Variants in COL1A1 observed in about 807,000 individuals in gnomAD.
The protein encoded by COL1A1 is collagen alpha-1(I) chain.
In COL1A1, 21 loss-of-function variants were observed where a neutral mutation model predicts 195.7. That is an observed-to-expected ratio of 0.11 (90% confidence interval 0.08 to 0.15). COL1A1 has a LOEUF of 0.15. Among genes scored for constraint, COL1A1 ranks in the 10% least tolerant of loss-of-function variants. The pLI, the probability that COL1A1 is intolerant of heterozygous loss-of-function variation, is 1.00. For synonymous variants in COL1A1, 749 were observed against 747.3 expected (o/e 1.00, Z -0.04); for missense variants, 1,365 against 2,051.0 (o/e 0.67, Z 6.46).
rs1321880636 is a variant in COL1A1, at chr17:50,186,296, T to C, written c.4005+21A>G. 11 of 1,613,762 alleles carry C rather than the reference T, an allele frequency of 6.8e-6. No homozygotes were observed. The highest frequency in any genetic ancestry group is 8.5e-6 in the Non-Finnish European group (10 of 1,180,016). ...GGCTAGCCCATCTCCTAACACTGGC[T>C]CTGAGGTCCAGCTCACGCACCTGGA... On this transcript the variant is annotated intron_variant, in intron 49 of 50. Transcript: ENST00000225964. This position sits in a 1 kb window ranked among gnomAD's most constrained non-coding sequence, Gnocchi z 5.3.
Position 50,189,594 on chromosome 17 carries a change from G to T in COL1A1, c.2668-56C>A. 6.2e-7 allele frequency: 1 copy of T among 1,612,194 alleles called. No individual in the cohort carries two copies. Among genetic ancestry groups the T allele is most frequent in the Non-Finnish European group, 8.5e-7 (1 of 1,178,952 alleles). On this transcript the variant is annotated intron_variant, in intron 38 of 50. Coordinates refer to ENST00000225964, the MANE Select transcript of COL1A1 (RefSeq NM_000088.4). The surrounding 1 kb of genome is among the most constrained non-coding windows in gnomAD (Gnocchi z 5.5). ...CCAGGGGGCTCTGGTGCATCATTGGGTCCTCAGTCAGCCCCACCATCCTTC... is the reference window on the plus strand; with the variant it reads ...CCAGGGGGCTCTGGTGCATCATTGGTTCCTCAGTCAGCCCCACCATCCTTC...
At position 50,194,060 on chromosome 17, in the gene COL1A1, A is replaced by G; in HGVS notation, c.1669-19T>C. ...CGGGACCCTAAGGATGGGAGGCACG[A>G]AAGCAGCAGTGAGGACAGCAGGGAG... On this transcript the variant is annotated intron_variant, in intron 24 of 50. Coordinates refer to ENST00000225964, the MANE Select transcript of COL1A1 (RefSeq NM_000088.4). The surrounding 1 kb of genome is among the most constrained non-coding windows in gnomAD (Gnocchi z 6.8). The G allele has an allele frequency of 6.2e-7, 1 of 1,613,170 alleles. No individual in the cohort carries two copies. Among genetic ancestry groups the G allele is most frequent in the South Asian group, 1.1e-5 (1 of 91,038 alleles).
chr17:50,201,590 G>A lies in COL1A1; in HGVS notation c.-77C>T, dbSNP rs534473543. ...CCGCTCATGCGTGGCCTCACACTCCGCGTGCCTCCTGCTCCGACCCCGAGG... is the reference window on the plus strand; with the variant it reads ...CCGCTCATGCGTGGCCTCACACTCCACGTGCCTCCTGCTCCGACCCCGAGG... On this transcript the variant is annotated 5_prime_UTR_variant, in exon 1 of 51. Coordinates refer to ENST00000225964, the MANE Select transcript of COL1A1 (RefSeq NM_000088.4). 2.2e-6 allele frequency: 3 copies of A among 1,334,072 alleles called. No homozygotes were observed. In the African/African-American group the frequency reaches 4.3e-5, roughly 19 times the overall value. The allele number at this position is 1,334,072 out of a possible 1,614,324, so 82.6% of individuals were successfully genotyped here.
rs555687273 is a variant in COL1A1, at chr17:50,192,290, T to C, written c.1983+185A>G. On this transcript the variant is annotated intron_variant, in intron 29 of 50. Coordinates refer to ENST00000225964, the MANE Select transcript of COL1A1 (RefSeq NM_000088.4). ...ATATTCCAGCAGCTCTTAAAAGAAGTCACCCAGACTAGCAATCATGCAGCC... is the reference window on the plus strand; with the variant it reads ...ATATTCCAGCAGCTCTTAAAAGAAGCCACCCAGACTAGCAATCATGCAGCC... The C allele has an allele frequency of 9.1e-5, 69 of 760,088 alleles. No individual in the cohort carries two copies. The South Asian group carries it at 1.1e-3, about 12-fold the overall frequency. The allele number at this position is 760,088 out of a possible 1,614,324, so 47.1% of individuals were successfully genotyped here.
Position 50,194,848 on chromosome 17 carries a change from G to C in COL1A1, c.1354-20C>G. 1 of 1,570,276 alleles carries C rather than the reference G, an allele frequency of 6.4e-7. No homozygotes were observed. The highest frequency in any genetic ancestry group is 1.4e-5 in the African/African-American group (1 of 73,904). ...AGGGCCCTGGAGAGGGCCGAGAGGA[G>C]GAGGCGGCCTGTGGTGAGGGGCCAT... On this transcript the variant is annotated intron_variant, in intron 20 of 50. Coordinates refer to ENST00000225964, the MANE Select transcript of COL1A1 (RefSeq NM_000088.4). The surrounding 1 kb of genome is among the most constrained non-coding windows in gnomAD (Gnocchi z 6.8).
At position 50,187,844 on chromosome 17, in the gene COL1A1, A is replaced by G. The variant is rs773668904; in HGVS notation, c.3369+32T>C. 6.5e-6 allele frequency: 10 copies of G among 1,541,072 alleles called. No homozygotes were observed. The East Asian group carries it at 2.0e-4, about 31-fold the overall frequency. On this transcript the variant is annotated intron_variant, in intron 45 of 50. Coordinates refer to ENST00000225964, the MANE Select transcript of COL1A1 (RefSeq NM_000088.4). ...TCCCCCTCCTATCCCACAGCACAGC[A>G]TGGGGACTGGGGAGGGGCTGAGCAT...
rs754753032 is a variant in COL1A1, at chr17:50,186,405, C to G, written c.3917G>C (p.Ser1306Thr). 1.2e-6 allele frequency: 2 copies of G among 1,614,202 alleles called. No homozygotes were observed. Among genetic ancestry groups the G allele is most frequent in the Non-Finnish European group, 1.7e-6 (2 of 1,180,036 alleles). Residue 1306 changes from serine (S) to threonine (T), a missense_variant, in exon 49 of 51, where the codon AGT (serine) becomes ACT (threonine). Physicochemically the swap from Ser to Thr is moderately conservative, Grantham distance 58. Coordinates refer to ENST00000225964, the MANE Select transcript of COL1A1 (RefSeq NM_000088.4). This position sits in a 1 kb window ranked among gnomAD's most constrained non-coding sequence, Gnocchi z 5.3. ...GATGTACCAGTTCTTCTGGGCCACA[C>G]TGGGCTGAGTGGGGTACACGCAGGT... ...GETCVYPTQP[S>T]VAQKNWYISK... is the part of the protein sequence containing the mutation.
At position 50,190,739 on chromosome 17, in the gene COL1A1, G is replaced by A. The variant is rs1907001774; in HGVS notation, c.2343+78C>T. ...GTTTGGCAGGACCTGCTCTCCCAAC[G>A]CAACCCCACGGAACCGTGCCCAGGC... On this transcript the variant is annotated intron_variant, in intron 33 of 50. Coordinates refer to ENST00000225964, the MANE Select transcript of COL1A1 (RefSeq NM_000088.4). This position sits in a 1 kb window ranked among gnomAD's most constrained non-coding sequence, Gnocchi z 4.7. The A allele has an allele frequency of 4.0e-6, 6 of 1,501,552 alleles. No homozygotes were observed. The African/African-American group carries it at 6.9e-5, about 17-fold the overall frequency. The allele number at this position is 1,501,552 out of a possible 1,614,324, so 93.0% of individuals were successfully genotyped here. A position where few individuals can be genotyped will look rare whatever the true frequency, so the allele number is the denominator to read the frequency against.
At chr17:50,200,188 C>T (rs1176081789) in intron 1 of COL1A1, 1 of 576,322 alleles carries the variant, frequency 1.7e-6, no homozygotes, top group African/African-American at 1.9e-5. Context: ...AAGCTTTAGT[C>T]CGCGGTGGCT....
rs1261711869 is a variant in COL1A1 at position 50,190,789 on chromosome 17, G to A, written c.2343+28C>T. On this transcript the variant is annotated intron_variant, in intron 33 of 50. Coordinates refer to ENST00000225964, the MANE Select transcript of COL1A1 (RefSeq NM_000088.4). The surrounding 1 kb of genome is among the most constrained non-coding windows in gnomAD (Gnocchi z 4.7). Reference sequence around the variant, plus strand: ...CCTGCTGAGGAGGCTATGTGTTAGGGCAGAAGGTGGGGAGGCGGCCACCTC... The same window carrying A: ...CCTGCTGAGGAGGCTATGTGTTAGGACAGAAGGTGGGGAGGCGGCCACCTC... 4 of 1,584,786 alleles carry A rather than the reference G, an allele frequency of 2.5e-6. No homozygotes were observed. In the Admixed American group the frequency reaches 6.7e-5, roughly 26 times the overall value.
Position 50,189,858 on chromosome 17 carries a change from CA to C in COL1A1, c.2613del (p.Gly872ValfsTer236), listed in dbSNP as rs72653144. ...TCAACAGAGAGGCGGGTGATACTCA[CA>C]GGGGGACCAGCGCTGCCGCGAGCAC... ...AKGARGSAGP[P>X]GATGFPGAAG... On this transcript the variant is annotated frameshift_variant and splice_region_variant, in exon 37 of 51. Coordinates refer to ENST00000225964, the MANE Select transcript of COL1A1 (RefSeq NM_000088.4). LOFTEE classifies it high-confidence loss of function. The surrounding 1 kb of genome is among the most constrained non-coding windows in gnomAD (Gnocchi z 5.5). 6.2e-7 allele frequency: 1 copy of C among 1,605,980 alleles called. No homozygotes were observed. Among genetic ancestry groups the C allele is most frequent in the Non-Finnish European group, 8.5e-7 (1 of 1,175,970 alleles).
chr17:50,199,250 AGGTCCGGGGGGTCCGGGG>A lies in COL1A1; in HGVS notation c.429_446del (p.Pro149_Gly154del). 1 of 1,471,668 alleles carries A rather than the reference AGGTCCGGGGGGTCCGGGG, an allele frequency of 6.8e-7. No individual in the cohort carries two copies. The highest frequency in any genetic ancestry group is 9.0e-7 in the Non-Finnish European group (1 of 1,105,956). 91.2% of individuals were successfully genotyped at this position (1,471,668 alleles called of 1,614,324 possible). ...CTCCTCCGAGGCCAGGGGGTCCGGGAGGTCCGGGGGGTCCGGGGGGTCCGGGAAGTCCAGGCTGTCCAG... is the reference window on the plus strand; with the variant it reads ...CTCCTCCGAGGCCAGGGGGTCCGGGAGGTCCGGGAAGTCCAGGCTGTCCAG... On this transcript the variant is annotated inframe_deletion, in exon 5 of 51. Coordinates refer to ENST00000225964, the MANE Select transcript of COL1A1 (RefSeq NM_000088.4).
At chr17:50,196,697 A>C (rs769687470) in intron 11 of COL1A1, 27 bp from the exon 12 acceptor site, 2 of 1,613,908 alleles carry the variant, frequency 1.2e-6, no homozygotes, top group South Asian at 2.2e-5. Context: ...GTAGAAGGTA[A>C]GAACCTGTGG....
chr17:50,192,413 G>C, intron 29 of COL1A1, 62 bp downstream of exon 29: 1 of 1,521,256 alleles, frequency 6.6e-7, no homozygotes. Context: ...AGCTAGGAGC[G>C]GGGGCCTGTC....
At position 50,186,285 on chromosome 17, in the gene COL1A1, C is replaced by T. The variant is rs761428107; in HGVS notation, c.4005+32G>A. On this transcript the variant is annotated intron_variant, in intron 49 of 50. Transcript: ENST00000225964. This position sits in a 1 kb window ranked among gnomAD's most constrained non-coding sequence, Gnocchi z 5.3. ...TCTGAGCACTGGGCTAGCCCATCTC[C>T]TAACACTGGCTCTGAGGTCCAGCTC... 2 of 1,613,446 alleles carry T rather than the reference C, an allele frequency of 1.2e-6. No homozygotes were observed. The highest frequency in any genetic ancestry group is 1.7e-6 in the Non-Finnish European group (2 of 1,179,950).
rs752483667 is a variant in COL1A1 at position 50,195,034 on chromosome 17, C to T, written c.1353+13G>A. 58 of 1,612,588 alleles carry T rather than the reference C, an allele frequency of 3.6e-5. No homozygotes were observed. Among genetic ancestry groups the T allele is most frequent in the Admixed American group, 8.3e-5 (5 of 59,986 alleles). On this transcript the variant is annotated intron_variant, in intron 20 of 50. Transcript: ENST00000225964. The surrounding 1 kb of genome is among the most constrained non-coding windows in gnomAD (Gnocchi z 4.3). Reference sequence around the variant, plus strand: ...GTGGGCTGGGCTGCAAGAAGGATGGCGGGGAGACTTACAGGCTCTCCCTTA... The same window carrying T: ...GTGGGCTGGGCTGCAAGAAGGATGGTGGGGAGACTTACAGGCTCTCCCTTA...
In COL1A1 at chr17:50,193,990, G is replaced by C. The variant is rs72648365; in HGVS notation, c.1720C>G (p.Arg574Gly). 6.2e-7 allele frequency: 1 copy of C among 1,614,152 alleles called. No homozygotes were observed. Residue 574 changes from arginine to glycine, a missense_variant, in exon 25 of 51, where the codon CGT becomes GGT. Arg to Gly is a moderately radical substitution (Grantham distance 125). Transcript: ENST00000225964. ...AATCCCATCACACCAGCCTGACCAC[G>C]GGCACCAGGTGGGCCTGGGGGTCCG... Reference protein sequence around the residue: ...RPGPPGPPGARGQAGVMGFPG... With the variant: ...RPGPPGPPGAGGQAGVMGFPG...
rs1287142514 is a variant in COL1A1 at position 50,198,842 on chromosome 17, G to T, written c.472-338C>A. 4 of 425,910 alleles carry T rather than the reference G, an allele frequency of 9.4e-6. No individual in the cohort carries two copies. The East Asian group carries it at 1.5e-4, about 15-fold the overall frequency. The allele number at this position is 425,910 out of a possible 1,614,324, so 26.4% of individuals were successfully genotyped here. A position where few individuals can be genotyped will look rare whatever the true frequency, so the allele number is the denominator to read the frequency against. On this transcript the variant is annotated intron_variant, in intron 5 of 50. Coordinates refer to ENST00000225964, the MANE Select transcript of COL1A1 (RefSeq NM_000088.4). ...GGACTGGATCCCAGATTGGGGTGGT[G>T]GGGGGTGGAATCTATAAAGGACATT...
rs573978018 is a variant in COL1A1, at chr17:50,197,831, G to A, written c.643-46C>T. On this transcript the variant is annotated intron_variant, in intron 8 of 50. Transcript: ENST00000225964. ...GGTTAGAATATGGATAAGAAAAAAA[G>A]AAGGGGAAGGCTGGGATTGAAGGGA... 192 of 1,601,478 alleles carry A rather than the reference G, an allele frequency of 1.2e-4. 3 individuals carry two copies. The highest frequency in any genetic ancestry group is 1.1e-3 in the South Asian group (97 of 90,692).
Sources: allele counts gnomAD v4.1 joint callset, GRCh38; gene constraint gnomAD v4.1.1; non-coding constraint Gnocchi (gnomAD v3.1); transcripts MANE v1.5; gene names NCBI Gene and HGNC (gene_info 2026-07-23, HGNC 2026-07-21).